The following CELF2 variants were observed in gnomAD, a reference collection of about 807,000 sequenced individuals.
The protein encoded by CELF2 is CUGBP Elav-like family member 2, also known as CUG triplet repeat RNA-binding protein 2.
Under a neutral mutation model 62.6 loss-of-function variants are expected in CELF2, and 8 were observed. The ratio of observed to expected loss-of-function variants is 0.13; its 90% CI spans 0.07 to 0.23. CELF2 has a LOEUF of 0.23. CELF2 is among the 10% of genes least tolerant of loss of function. CELF2 has a pLI of 1.00. For missense variants in CELF2, 333 were observed against 671.0 expected, an observed-to-expected ratio of 0.50 and a Z score of 5.56; for synonymous variants, 258 against 250.0, an observed-to-expected ratio of 1.03 and a Z score of -0.30.
the CELF2 span, among the ~76,000 whole-genome samples, chr10:10,690,286 C>T: frequency 5.3e-5 from 8 of 152,122 alleles, no homozygotes; most frequent in African/African-American, 1.9e-4. Context: ...ATACGATGTC[C>T]TCCAGACTGT....
chr10:10,691,863 T>A, the CELF2 span, among the ~76,000 whole-genome samples: 1 of 149,380 alleles, frequency 6.7e-6, no homozygotes, highest in Non-Finnish European at 1.5e-5. Flanking sequence ...TGTTTGTTTT[T>A]TTCTTGTAAA....
chr10:10,846,651 T>C (rs2059031948), intron 1 of CELF2, among the ~76,000 whole-genome samples: 1 of 152,186 alleles, frequency 6.6e-6, no homozygotes, highest in Admixed American at 6.5e-5. Flanking sequence ...ATGTGAAGCA[T>C]GGAATGGCTC....
At chr10:11,042,213 G>A (rs2061966532) in intron 1 of CELF2, among the ~76,000 whole-genome samples, 2 of 152,134 alleles carry the variant, frequency 1.3e-5, no homozygotes, top group South Asian at 2.1e-4. Flanking sequence ...GTTATTATTC[G>A]ACAGTAGACA....
intron 3 of CELF2, among the ~76,000 whole-genome samples, chr10:11,239,684 T>C (rs2073048069): frequency 6.6e-6 from 1 of 152,256 alleles, no homozygotes. Flanking sequence ...TCTGTTTCTT[T>C]GTTGTTACCA....
chr10:10,478,725 A>G, the CELF2 span, among the ~76,000 whole-genome samples: 43 of 152,202 alleles, frequency 2.8e-4, no homozygotes, highest in Admixed American at 2.6e-3. Flanking sequence ...GAAATTCATG[A>G]CACACTTGAA....
chr10:11,030,833 C>G (rs1265480898), intron 1 of CELF2: 1 of 152,210 alleles, frequency 6.6e-6, no homozygotes, highest in Non-Finnish European at 1.5e-5. Context: ...AGAGCAATTT[C>G]TGAGGCTGGA....
chr10:11,184,907 C>T (rs1222239866), intron 2 of CELF2, among the ~76,000 whole-genome samples: 3 of 151,906 alleles, frequency 2.0e-5, no homozygotes, highest in Non-Finnish European at 4.4e-5. Flanking sequence ...AAAACGTCCA[C>T]TATGGAGGTG....
chr10:10,905,595 A>G (rs1422120105), intron 1 of CELF2, among the ~76,000 whole-genome samples: 1 of 148,212 alleles, frequency 6.7e-6, no homozygotes, highest in Non-Finnish European at 1.5e-5. Context: ...AAAAAAAAAA[A>G]GGGCTGGGCG....
At chr10:10,582,294 T>A in the CELF2 span, among the ~76,000 whole-genome samples, 9 of 152,230 alleles carry the variant, frequency 5.9e-5, no homozygotes, top group African/African-American at 2.2e-4. Flanking sequence ...TTTTTCAAAA[T>A]TTAAATACAT....
At chr10:10,674,948 G>C in the CELF2 span, among the ~76,000 whole-genome samples, 2 of 152,100 alleles carry the variant, frequency 1.3e-5, no homozygotes, top group African/African-American at 4.8e-5. Context: ...TACACACACA[G>C]AGGTATATAC....
chr10:10,824,333 G>A (rs1696992122), intron 1 of CELF2, among the ~76,000 whole-genome samples: 1 of 152,138 alleles, frequency 6.6e-6, no homozygotes, highest in South Asian at 2.1e-4. Flanking sequence ...AACAAAAACA[G>A]GGTTTCCTAG....
At chr10:11,303,613 G>A (rs555662322) in intron 9 of CELF2, among the ~76,000 whole-genome samples, 7 of 152,238 alleles carry the variant, frequency 4.6e-5, no homozygotes, top group South Asian at 2.1e-4. Context: ...TGTTACTCCC[G>A]TTTCGTGAAT....
chr10:10,666,356 G>A, the CELF2 span, among the ~76,000 whole-genome samples: 21 of 152,238 alleles, frequency 1.4e-4, no homozygotes, highest in African/African-American at 4.8e-4. Context: ...TTGGTGCCCA[G>A]CATAGCACCA....
chr10:11,293,384 C>G (rs2092768216), intron 9 of CELF2, among the ~76,000 whole-genome samples: 1 of 152,220 alleles, frequency 6.6e-6, no homozygotes, highest in South Asian at 2.1e-4. Context: ...CAGTAACCTA[C>G]TACTTATATG....
chr10:11,229,455 T>C (rs112473925), intron 3 of CELF2, among the ~76,000 whole-genome samples: 10 of 152,184 alleles, frequency 6.6e-5, no homozygotes, highest in Non-Finnish European at 1.0e-4. Context: ...TGTACTTCAG[T>C]CCATTTGCAT....
chr10:10,541,795 G>T, the CELF2 span, among the ~76,000 whole-genome samples: 1 of 152,218 alleles, frequency 6.6e-6, no homozygotes, highest in African/African-American at 2.4e-5. Context: ...GCAAGGTCTT[G>T]GTGACCTGTA....
the CELF2 span, among the ~76,000 whole-genome samples, chr10:10,562,960 G>C: frequency 3.9e-5 from 6 of 151,914 alleles, no homozygotes; most frequent in Admixed American, 3.9e-4. Context: ...AAAGATAAAG[G>C]GACAGAATAC....
At chr10:11,091,196 C>T (rs1776856655) in intron 1 of CELF2, among the ~76,000 whole-genome samples, 1 of 152,196 alleles carries the variant, frequency 6.6e-6, no homozygotes. Flanking sequence ...ACAGCTGCTC[C>T]TCCCAGTCCC....
chr10:10,862,102 G>A (rs1158420587), intron 1 of CELF2, among the ~76,000 whole-genome samples: 1 of 152,148 alleles, frequency 6.6e-6, no homozygotes, highest in Non-Finnish European at 1.5e-5. Context: ...TCATTTGCAA[G>A]GCTGTAAGTT....
Sources: gnomAD v4.1 joint callset for allele counts (sites outside exome capture counted in the v4.1 genomes callset) on GRCh38, gnomAD v4.1.1 for gene constraint, MANE v1.5 for transcripts, NCBI Gene and HGNC (gene_info 2026-07-23, HGNC 2026-07-21) for gene names.